SGIP1: variants seen among roughly 807,000 people sequenced by gnomAD.
The protein encoded by SGIP1 is SH3GL interacting endocytic adaptor 1.
In SGIP1, 38 loss-of-function variants were observed where a neutral mutation model predicts 107.5. That is an observed-to-expected ratio of 0.35 (90% CI 0.27 to 0.46). The LOEUF is 0.46. Among genes scored for constraint, SGIP1 ranks in the 20% least tolerant of loss-of-function variants. SGIP1 has a pLI of 1.00. For missense variants in SGIP1, 929 were observed against 1,019.5 expected (o/e 0.91, Z 1.21); for synonymous variants, 365 against 366.1 (o/e 1.00, Z 0.03).
intron 2 of SGIP1, 83 bp from the exon 3 acceptor site, chr1:66,632,987 T>C (rs755952137): frequency 1.5e-5 from 13 of 873,610 alleles, no homozygotes; most frequent in Non-Finnish European, 2.3e-5. Context: ...GGATGGTGGT[T>C]ATTGGTTCTT....
chr1:66,743,047 T>G (rs1379633970), intron 24 of SGIP1, 26 bp from the exon 25 acceptor site: 2 of 1,613,340 alleles, frequency 1.2e-6, no homozygotes, highest in Non-Finnish European at 1.7e-6. Flanking sequence ...CCAGATAACC[T>G]GTTGACATGC....
At chr1:66,726,383 A>G (rs996149574) in intron 19 of SGIP1, among the ~76,000 whole-genome samples, 1 of 152,202 alleles carries the variant, frequency 6.6e-6, no homozygotes, top group Non-Finnish European at 1.5e-5. Context: ...TGACACGGTG[A>G]TTATAAACCT....
At chr1:66,657,513 G>C (rs2080024791) in intron 7 of SGIP1, among the ~76,000 whole-genome samples, 1 of 152,122 alleles carries the variant, frequency 6.6e-6, no homozygotes, top group African/African-American at 2.4e-5. Flanking sequence ...CAAAAATGTA[G>C]TCCTCAACAA....
intron 14 of SGIP1, 63 bp downstream of exon 14, chr1:66,679,815 C>G: frequency 7.0e-7 from 1 of 1,425,316 alleles, no homozygotes; most frequent in Non-Finnish European, 9.4e-7. Flanking sequence ...CCCGGATGAA[C>G]ATGCCCTTGA....
chr1:66,567,315 GTGTC>G (rs2059786610), intron 1 of SGIP1, among the ~76,000 whole-genome samples: 1 of 152,062 alleles, frequency 6.6e-6, no homozygotes, highest in Admixed American at 6.6e-5. Context: ...CTTTTGAAAA[GTGTC>G]TGTTCATATC....
chr1:66,704,754 A>C (rs560353272), intron 18 of SGIP1: 1 of 152,340 alleles, frequency 6.6e-6, no homozygotes, highest in Non-Finnish European at 1.5e-5. Context: ...ATGAATGAAG[A>C]AAGTATACTA....
chr1:66,639,842 C>T lies in SGIP1; in HGVS notation c.228+9C>T, dbSNP rs1364348978. ...TTGATTGGGAAAGATATGTGAGTAT[C>T]AGAAGAGTGTTTCTCTTTATTAAGT... On this transcript the variant is annotated intron_variant, in intron 5 of 24. Transcript: ENST00000371037. 1 of 1,606,446 alleles carries T rather than the reference C, an allele frequency of 6.2e-7. No individual in the cohort carries two copies.
chr1:66,605,699 G>A (rs575534788), intron 1 of SGIP1, among the ~76,000 whole-genome samples: 1 of 151,988 alleles, frequency 6.6e-6, no homozygotes, highest in African/African-American at 2.4e-5. Context: ...CGTTCATCAA[G>A]GTTTTTATTT....
chr1:66,591,550 A>G (rs2063625210), intron 1 of SGIP1, among the ~76,000 whole-genome samples: 1 of 152,152 alleles, frequency 6.6e-6, no homozygotes, highest in South Asian at 2.1e-4. Context: ...CCCATTATCA[A>G]CATCCCCCAT....
At chr1:66,720,819 ATAAT>A (rs1427226456) in intron 19 of SGIP1, among the ~76,000 whole-genome samples, 1 of 152,230 alleles carries the variant, frequency 6.6e-6, no homozygotes, top group Non-Finnish European at 1.5e-5. Context: ...TGAAACAGTG[ATAAT>A]TAAATATAAT....
At chr1:66,655,035 A>G (rs2079468945) in intron 7 of SGIP1, among the ~76,000 whole-genome samples, 1 of 152,212 alleles carries the variant, frequency 6.6e-6, no homozygotes, top group African/African-American at 2.4e-5. Context: ...GACAAATGAC[A>G]GCACATATCA....
At chr1:66,642,391 A>G (rs937777005) in intron 5 of SGIP1, among the ~76,000 whole-genome samples, 3 of 151,788 alleles carry the variant, frequency 2.0e-5, no homozygotes, top group African/African-American at 4.8e-5. Context: ...AAACCTCACT[A>G]ATTTCCTTTT....
chr1:66,625,477 A>C (rs1189411723), intron 1 of SGIP1, among the ~76,000 whole-genome samples: 1 of 152,250 alleles, frequency 6.6e-6, no homozygotes, highest in Non-Finnish European at 1.5e-5. Flanking sequence ...CCCAGTCTAA[A>C]GAATATGTCT....
Position 66,643,735 on chromosome 1 carries a change from G to GTGTA in SGIP1, c.459+19_459+20insATGT, listed in dbSNP as rs778695052. On this transcript the variant is annotated intron_variant, in intron 7 of 24. Transcript: ENST00000371037. ...ATCACCAGTGGTGAGTGTTGTGTGTGTGTGTGTTAAGCTTTAGTGAGATTG... is the reference window on the plus strand; with the variant it reads ...ATCACCAGTGGTGAGTGTTGTGTGTGTGTATGTGTGTTAAGCTTTAGTGAGATTG... The GTGTA allele has an allele frequency of 2.5e-6, 4 of 1,589,562 alleles. No individual in the cohort carries two copies. Among genetic ancestry groups the GTGTA allele is most frequent in the Non-Finnish European group, 3.4e-6 (4 of 1,170,544 alleles).
chr1:66,701,589 A>G (rs563980262), intron 18 of SGIP1, among the ~76,000 whole-genome samples: 1 of 152,310 alleles, frequency 6.6e-6, no homozygotes, highest in African/African-American at 2.4e-5. Context: ...TGTTAAGAAG[A>G]TTAAAGTGGA....
chr1:66,675,541 C>CTTTTTTTTTTTTTTTTTTT (rs71242802), intron 12 of SGIP1, among the ~76,000 whole-genome samples: 14 of 112,374 alleles, frequency 1.2e-4, no homozygotes, highest in Middle Eastern at 5.1e-3. Context: ...CTTTTTCTTT[C>CTTTTTTTTTTTTTTTTTTT]TTTTTTTTTT....
At chr1:66,617,482 G>A (rs1482761909) in intron 1 of SGIP1, among the ~76,000 whole-genome samples, 1 of 152,212 alleles carries the variant, frequency 6.6e-6, no homozygotes, top group African/African-American at 2.4e-5. Flanking sequence ...CAGAAATACA[G>A]TGAGCATCAT....
rs778380502 is a variant in SGIP1, at chr1:66,750,459, T to G, written c.*7364T>G. On this transcript the variant is annotated 3_prime_UTR_variant, in exon 25 of 25. Transcript: ENST00000371037. The stretch of plus-strand genomic sequence containing the variant: ...AATTAAGGAAAATGCTGTGTGTAAT[T>G]TGATTTGGTGGTAGCCTTTATTTAG... 6.6e-6 allele frequency among the ~76,000 whole-genome samples: 1 copy of G among 152,166 alleles called. No homozygotes were observed. Among genetic ancestry groups the G allele is most frequent in the Non-Finnish European group, 1.5e-5 (1 of 68,008 alleles).
chr1:66,608,346 T>C (rs1383196354), intron 1 of SGIP1, among the ~76,000 whole-genome samples: 2 of 152,258 alleles, frequency 1.3e-5, no homozygotes, highest in Non-Finnish European at 1.5e-5. Flanking sequence ...TAAAACCTCA[T>C]ATCTGATGAT....
Sources: gnomAD v4.1 joint callset for allele counts (sites outside exome capture counted in the v4.1 genomes callset) on GRCh38, gnomAD v4.1.1 for gene constraint, MANE v1.5 for transcripts, NCBI Gene and HGNC (gene_info 2026-07-23, HGNC 2026-07-21) for gene names.